Variants in KCNAB1 observed in about 807,000 individuals in gnomAD.
KCNAB1 encodes the protein potassium voltage-gated channel subfamily A regulatory beta subunit 1.
In KCNAB1, 35 loss-of-function variants were observed where a neutral mutation model predicts 64.6. The observed-to-expected ratio is 0.54, with a 90% CI of 0.41 to 0.72. The LOEUF (loss-of-function observed/expected upper bound fraction) is 0.72, where lower values mean the gene tolerates loss of function less well. KCNAB1 is among the 30% of genes least tolerant of loss of function. The probability of loss-of-function intolerance (pLI) is 0.00; values close to 1 mark genes in which losing one functional copy is unlikely to be tolerated. For missense variants in KCNAB1, 401 were observed against 512.9 expected (o/e 0.78, Z 2.11); for synonymous variants, 177 against 183.8 (o/e 0.96, Z 0.30).
At chr3:156,179,455 C>T (rs1712655872) in intron 1 of KCNAB1, among the ~76,000 whole-genome samples, 3 of 135,928 alleles carry the variant, frequency 2.2e-5, no homozygotes, top group Admixed American at 7.3e-5. Flanking sequence ...GTTCTTCCCC[C>T]GCGTTCTTCT....
intron 1 of KCNAB1, among the ~76,000 whole-genome samples, chr3:156,321,953 T>G (rs1004187187): frequency 2.0e-5 from 3 of 152,098 alleles, no homozygotes; most frequent in African/African-American, 7.2e-5. Flanking sequence ...CCCTTGAAAA[T>G]AGGAAGGCTC....
chr3:156,198,273 G>C (rs1714087124), intron 1 of KCNAB1, among the ~76,000 whole-genome samples: 1 of 152,128 alleles, frequency 6.6e-6, no homozygotes, highest in Admixed American at 6.5e-5. Context: ...TGTTGCTTTG[G>C]GGTGGAGAGT....
chr3:156,285,646 A>AG (rs1302701834), intron 1 of KCNAB1, among the ~76,000 whole-genome samples: 1 of 152,126 alleles, frequency 6.6e-6, no homozygotes, highest in African/African-American at 2.4e-5. Context: ...GACCACAAGT[A>AG]GGGGCCATCA....
chr3:156,135,341 G>T (rs935775397), intron 1 of KCNAB1, among the ~76,000 whole-genome samples: 1 of 152,108 alleles, frequency 6.6e-6, no homozygotes, highest in South Asian at 2.1e-4. Flanking sequence ...CAGAGGAAAA[G>T]CTAATAACTC....
In KCNAB1 at chr3:156,459,884, C is replaced by T. The variant is rs1323850385; in HGVS notation, c.482+13C>T. The T allele has an allele frequency of 6.3e-7, 1 of 1,593,602 alleles. No homozygotes were observed. Among genetic ancestry groups the T allele is most frequent in the South Asian group, 1.1e-5 (1 of 89,980 alleles). On this transcript the variant is annotated intron_variant, in intron 5 of 13. Coordinates refer to ENST00000490337, the MANE Select transcript of KCNAB1 (RefSeq NM_172160.3). ...AGAAAGGCTGGAGGTATTGCATTCG[C>T]CATAATTATTTGTTTTTAAAAAGGT...
At chr3:156,398,409 G>A (rs1323638312) in intron 1 of KCNAB1, among the ~76,000 whole-genome samples, 1 of 152,074 alleles carries the variant, frequency 6.6e-6, no homozygotes, top group Admixed American at 6.6e-5. Flanking sequence ...TGGCTAACAT[G>A]GCGAAACCCG....
chr3:156,393,596 G>T (rs74812415), intron 1 of KCNAB1, among the ~76,000 whole-genome samples: 1 of 152,076 alleles, frequency 6.6e-6, no homozygotes, highest in African/African-American at 2.4e-5. Context: ...CTTTTTCAAC[G>T]TGAGAGTCCT....
At chr3:156,500,666 G>A (rs753595673) in intron 8 of KCNAB1, among the ~76,000 whole-genome samples, 1 of 152,056 alleles carries the variant, frequency 6.6e-6, no homozygotes, top group Admixed American at 6.6e-5. Context: ...AAAAAGTCTC[G>A]TTTAGCTATT....
At chr3:156,398,021 A>T (rs1430960100) in intron 1 of KCNAB1, among the ~76,000 whole-genome samples, 1 of 152,208 alleles carries the variant, frequency 6.6e-6, no homozygotes, top group Non-Finnish European at 1.5e-5. Context: ...TATTTATTTT[A>T]AAAATATATA....
At chr3:156,507,274 A>G (rs1429683137) in intron 8 of KCNAB1, among the ~76,000 whole-genome samples, 1 of 152,180 alleles carries the variant, frequency 6.6e-6, no homozygotes, top group Non-Finnish European at 1.5e-5. Context: ...ATTAATATCA[A>G]TCTGCTCATT....
At chr3:156,334,448 C>G (rs940286388) in intron 1 of KCNAB1, among the ~76,000 whole-genome samples, 5 of 142,288 alleles carry the variant, frequency 3.5e-5, no homozygotes, top group African/African-American at 1.5e-4. Flanking sequence ...GCAGAATGCT[C>G]TTGAGTCATA....
intron 4 of KCNAB1, among the ~76,000 whole-genome samples, chr3:156,459,574 G>T (rs1385974805): frequency 6.6e-6 from 1 of 152,044 alleles, no homozygotes; most frequent in Non-Finnish European, 1.5e-5. Context: ...GACTGCTGCT[G>T]CTTAGTATCA....
intron 4 of KCNAB1, among the ~76,000 whole-genome samples, chr3:156,458,137 C>T (rs1462143760): frequency 6.6e-6 from 1 of 152,188 alleles, no homozygotes; most frequent in East Asian, 1.9e-4. Context: ...ACAGGAAGGG[C>T]TGCAGAGAGT....
At chr3:156,204,351 C>G (rs1248740184) in intron 1 of KCNAB1, among the ~76,000 whole-genome samples, 2 of 152,198 alleles carry the variant, frequency 1.3e-5, no homozygotes, top group African/African-American at 4.8e-5. Flanking sequence ...GTCTCATTCA[C>G]TAACTTCCCA....
At chr3:156,401,116 A>G (rs1168071490) in intron 1 of KCNAB1, among the ~76,000 whole-genome samples, 3 of 152,348 alleles carry the variant, frequency 2.0e-5, no homozygotes, top group Middle Eastern at 3.4e-3. Flanking sequence ...GAATCTTGAC[A>G]TGGGGGATCT....
At chr3:156,180,721 A>G (rs910323175) in intron 1 of KCNAB1, among the ~76,000 whole-genome samples, 1 of 152,246 alleles carries the variant, frequency 6.6e-6, no homozygotes, top group South Asian at 2.1e-4. Flanking sequence ...TCTGTCCTGA[A>G]GAACGAGGCG....
intron 1 of KCNAB1, among the ~76,000 whole-genome samples, chr3:156,281,427 TTTTTTTG>T (rs1719706660): frequency 6.7e-6 from 1 of 150,236 alleles, no homozygotes; most frequent in Admixed American, 6.6e-5. Flanking sequence ...TAAAATTCTC[TTTTTTTG>T]TTGTGTCTCT....
At chr3:156,136,478 AAAG>A (rs773282387) in intron 1 of KCNAB1, among the ~76,000 whole-genome samples, 4 of 152,186 alleles carry the variant, frequency 2.6e-5, no homozygotes, top group South Asian at 4.1e-4. Flanking sequence ...AGACTGGGAT[AAAG>A]AAGAAGGTGA....
At chr3:156,449,036 A>G (rs1711797409) in intron 2 of KCNAB1, among the ~76,000 whole-genome samples, 1 of 148,910 alleles carries the variant, frequency 6.7e-6, no homozygotes, top group Non-Finnish European at 1.5e-5. Context: ...TCGAAGGGCC[A>G]GGGAGGTAGT....
Sources: gnomAD v4.1 joint callset for allele counts (sites outside exome capture counted in the v4.1 genomes callset) on GRCh38, gnomAD v4.1.1 for gene constraint, MANE v1.5 for transcripts, NCBI Gene and HGNC (gene_info 2026-07-23, HGNC 2026-07-21) for gene names.